Variants in ADAMTSL1 observed in about 807,000 individuals in gnomAD.
ADAMTSL1 encodes ADAMTS like 1.
ADAMTSL1 carries 126 observed loss-of-function variants against 201.8 expected under a neutral mutation model. The ratio of observed to expected loss-of-function variants is 0.62; its 90% CI spans 0.54 to 0.72. The LOEUF is 0.72. ADAMTSL1 is among the 30% of genes least tolerant of loss of function. The pLI is 0.00. For missense variants in ADAMTSL1, 2,679 were observed against 2,277.8 expected (o/e 1.18, Z -3.59); for synonymous variants, 1,121 against 903.4 (o/e 1.24, Z -4.32).
intron 1 of ADAMTSL1, among the ~76,000 whole-genome samples, chr9:17,945,663 G>A (rs1241009048): frequency 2.0e-5 from 3 of 152,172 alleles, no homozygotes; most frequent in East Asian, 3.8e-4. Flanking sequence ...CACATCCTTT[G>A]TAGGGACATG....
At chr9:18,673,155 G>C (rs529013599) in intron 9 of ADAMTSL1, among the ~76,000 whole-genome samples, 1 of 151,830 alleles carries the variant, frequency 6.6e-6, no homozygotes, top group African/African-American at 2.4e-5. Context: ...CACCCACATC[G>C]AGACCTAAAC....
intron 1 of ADAMTSL1, among the ~76,000 whole-genome samples, chr9:17,996,128 C>G (rs748492872): frequency 3.3e-5 from 5 of 151,884 alleles, no homozygotes; most frequent in Admixed American, 6.6e-5. Flanking sequence ...ATTAAATTAT[C>G]ACATCCTAAC....
At chr9:18,302,670 A>C (rs761336975) in intron 2 of ADAMTSL1, among the ~76,000 whole-genome samples, 1 of 152,198 alleles carries the variant, frequency 6.6e-6, no homozygotes, top group Non-Finnish European at 1.5e-5. Flanking sequence ...AGTTAACTGC[A>C]TGTATAACAG....
intron 2 of ADAMTSL1, among the ~76,000 whole-genome samples, chr9:18,314,748 C>G (rs1406961514): frequency 6.8e-6 from 1 of 146,492 alleles, no homozygotes; most frequent in African/African-American, 2.5e-5. Context: ...GAAGGGGACC[C>G]CAGTGGGTTG....
chr9:18,774,161 G>A (rs112049471), intron 17 of ADAMTSL1, among the ~76,000 whole-genome samples: 15 of 152,100 alleles, frequency 9.9e-5, no homozygotes, highest in Non-Finnish European at 1.2e-4. Flanking sequence ...CTCCTTCCCC[G>A]ATGCCCTGCC....
intron 1 of ADAMTSL1, among the ~76,000 whole-genome samples, chr9:17,975,126 A>G (rs1159289571): frequency 2.0e-5 from 3 of 152,116 alleles, no homozygotes; most frequent in African/African-American, 7.2e-5. Context: ...GATGTCAAGC[A>G]TCTTTTTATG....
intron 2 of ADAMTSL1, among the ~76,000 whole-genome samples, chr9:18,390,781 C>G (rs555365669): frequency 6.6e-6 from 1 of 151,570 alleles, no homozygotes; most frequent in Non-Finnish European, 1.5e-5. Context: ...CAGATAAATA[C>G]AAAAATACAA....
At chr9:17,950,307 T>G (rs1827682810) in intron 1 of ADAMTSL1, among the ~76,000 whole-genome samples, 1 of 152,074 alleles carries the variant, frequency 6.6e-6, no homozygotes, top group Admixed American at 6.6e-5. Context: ...TAGAAAAAAC[T>G]TATATACCTA....
At chr9:18,011,984 G>A (rs1349188207) in intron 1 of ADAMTSL1, among the ~76,000 whole-genome samples, 1 of 152,064 alleles carries the variant, frequency 6.6e-6, no homozygotes, top group Non-Finnish European at 1.5e-5. Context: ...TTTCCCCAGT[G>A]TTAGCATTCA....
At chr9:18,541,837 C>G (rs182397280) in intron 3 of ADAMTSL1, among the ~76,000 whole-genome samples, 10 of 152,310 alleles carry the variant, frequency 6.6e-5, no homozygotes, top group African/African-American at 2.2e-4. Context: ...GTGTGATATG[C>G]TCATAGCATG....
At chr9:18,796,400 A>T (rs1282399949) in intron 20 of ADAMTSL1, 2 of 152,232 alleles carry the variant, frequency 1.3e-5, no homozygotes, top group Non-Finnish European at 2.9e-5. Flanking sequence ...TGGGCCATCC[A>T]GTCTTTGTGG....
At chr9:18,239,838 C>T (rs969175005) in intron 2 of ADAMTSL1, among the ~76,000 whole-genome samples, 1 of 152,062 alleles carries the variant, frequency 6.6e-6, no homozygotes, top group Admixed American at 6.6e-5. Context: ...CAGTGTTTAT[C>T]CATAAGAAGC....
intron 23 of ADAMTSL1, among the ~76,000 whole-genome samples, chr9:18,866,810 A>G (rs768805251): frequency 1.2e-4 from 18 of 152,228 alleles, no homozygotes; most frequent in Non-Finnish European, 2.6e-4. Context: ...AAGATGTTCC[A>G]TGCCTGGTCT....
At chr9:18,076,780 T>C (rs1823248675) in intron 1 of ADAMTSL1, among the ~76,000 whole-genome samples, 1 of 152,108 alleles carries the variant, frequency 6.6e-6, no homozygotes, top group Non-Finnish European at 1.5e-5. Context: ...CTGGGCTATG[T>C]ACATTATTGA....
chr9:18,142,334 TTGTC>T (rs1388575866), intron 1 of ADAMTSL1, among the ~76,000 whole-genome samples: 1 of 152,196 alleles, frequency 6.6e-6, no homozygotes, highest in Non-Finnish European at 1.5e-5. Flanking sequence ...CTTGCTGTCT[TTGTC>T]TGTGCTAACA....
chr9:18,667,531 A>G (rs966771492), intron 9 of ADAMTSL1, among the ~76,000 whole-genome samples: 4 of 152,144 alleles, frequency 2.6e-5, no homozygotes, highest in Non-Finnish European at 5.9e-5. Context: ...ACTAAGCCTC[A>G]GATTTTTCAT....
At chr9:18,244,943 C>T (rs758253496) in intron 2 of ADAMTSL1, among the ~76,000 whole-genome samples, 2 of 152,134 alleles carry the variant, frequency 1.3e-5, no homozygotes, top group Non-Finnish European at 2.9e-5. Context: ...TGTTTGATGG[C>T]ATTGGATTGA....
intron 1 of ADAMTSL1, among the ~76,000 whole-genome samples, chr9:18,152,745 C>G (rs1452242659): frequency 6.6e-6 from 1 of 151,626 alleles, no homozygotes; most frequent in African/African-American, 2.4e-5. Context: ...GTAGTGATGA[C>G]AGAAGTCAGA....
chr9:18,775,961 C>T (rs377530280), intron 18 of ADAMTSL1, 65 bp downstream of exon 18: 37 of 1,540,834 alleles, frequency 2.4e-5, no homozygotes, highest in Middle Eastern at 3.4e-4. Flanking sequence ...ATAGCCACCA[C>T]GCCGTGGCCT....
Sources: allele counts gnomAD v4.1 joint callset (sites outside exome capture counted in the v4.1 genomes callset), GRCh38; gene constraint gnomAD v4.1.1; transcripts MANE v1.5; gene names NCBI Gene and HGNC (gene_info 2026-07-23, HGNC 2026-07-21).